CNOT1: variants seen among roughly 807,000 people sequenced by gnomAD.
CNOT1 encodes CCR4-NOT transcription complex subunit 1, also known as CCR4-associated factor 1.
CNOT1 carries 15 observed loss-of-function variants against 273.8 expected under a neutral mutation model. The ratio of observed to expected loss-of-function variants is 0.05; its 90% CI spans 0.04 to 0.08. The LOEUF is 0.08. Ranked by LOEUF, CNOT1 falls within the 10% of genes least tolerant of loss-of-function variation. The pLI, the probability that CNOT1 is intolerant of heterozygous loss-of-function variation, is 1.00. For synonymous variants in CNOT1, 1,022 were observed against 1,005.5 expected (o/e 1.02, Z -0.31); for missense variants, 1,644 against 2,912.2 (o/e 0.56, Z 10.02).
chr16:58,536,944 C>A (rs1250173595), intron 39 of CNOT1, 45 bp downstream of exon 39: 4 of 1,603,150 alleles, frequency 2.5e-6, no homozygotes, highest in Non-Finnish European at 2.6e-6. Context: ...GCATCACACC[C>A]TACTTATGTT....
At chr16:58,585,230 TGAG>T (rs2041796881) in intron 8 of CNOT1, 105 bp downstream of exon 8, 2 of 1,501,490 alleles carry the variant, frequency 1.3e-6, no homozygotes, top group African/African-American at 1.4e-5. Context: ...GCATGCCTCT[TGAG>T]AAGAAAAGAT....
intron 1 of CNOT1, among the ~76,000 whole-genome samples, chr16:58,611,118 C>T (rs1040410845): frequency 2.0e-5 from 3 of 152,020 alleles, no homozygotes; most frequent in African/African-American, 7.2e-5. Flanking sequence ...AAAAGGAGTA[C>T]AGGCTGTCTA....
intron 3 of CNOT1, 42 bp from the exon 4 acceptor site, chr16:58,587,920 T>C (rs915445163): frequency 1.3e-6 from 2 of 1,567,930 alleles, no homozygotes; most frequent in East Asian, 2.2e-5. Flanking sequence ...CTAATCATCA[T>C]CTAAGAACAA....
intron 12 of CNOT1, among the ~76,000 whole-genome samples, chr16:58,580,156 GCTGAGATTGTGCCACTGCACTC>G (rs950624868): frequency 1.7e-4 from 26 of 152,228 alleles, no homozygotes; most frequent in Admixed American, 5.9e-4. Flanking sequence ...GTTGCAGTGA[GCTGAGATTGTGCCACTGCACTC>G]CTGAGATTGT....
At chr16:58,540,329 T>C (rs1029492104) in intron 34 of CNOT1, among the ~76,000 whole-genome samples, 1 of 152,126 alleles carries the variant, frequency 6.6e-6, no homozygotes, top group African/African-American at 2.4e-5. Flanking sequence ...CCATGAAAAA[T>C]ACAGTACTCA....
chr16:58,591,877 T>C (rs918401450), intron 2 of CNOT1, among the ~76,000 whole-genome samples: 1 of 151,194 alleles, frequency 6.6e-6, no homozygotes, highest in African/African-American at 2.4e-5. Context: ...TACCATTCCA[T>C]ATGATTTTTT....
intron 38 of CNOT1, 151 bp from the exon 39 acceptor site, chr16:58,537,371 G>T: frequency 8.2e-7 from 1 of 1,218,046 alleles, no homozygotes; most frequent in Non-Finnish European, 1.1e-6. Flanking sequence ...ACTATACTTA[G>T]TCTCTTATCC....
chr16:58,540,175 T>C, intron 34 of CNOT1: 1 of 428,384 alleles, frequency 2.3e-6, no homozygotes. Context: ...GAAGAGGTGT[T>C]TCATTTGAGA....
chr16:58,559,984 A>T, intron 17 of CNOT1: 1 of 1,243,910 alleles, frequency 8.0e-7, no homozygotes, highest in Non-Finnish European at 1.1e-6. Context: ...CTCTTCATTT[A>T]CCTAAATAAA....
chr16:58,604,037 T>G (rs75347204), intron 1 of CNOT1, among the ~76,000 whole-genome samples: 2,275 of 152,300 alleles, frequency 0.015, 45 homozygotes, highest in African/African-American at 0.052. Context: ...TAGGATTTTG[T>G]AACCTGTATT....
At chr16:58,569,713 G>A (rs1053492857) in intron 16 of CNOT1, among the ~76,000 whole-genome samples, 1 of 151,712 alleles carries the variant, frequency 6.6e-6, no homozygotes, top group African/African-American at 2.4e-5. Flanking sequence ...GAAAAAAAAG[G>A]GGGTGGGGGG....
chr16:58,590,590 G>A (rs568026973), intron 2 of CNOT1, among the ~76,000 whole-genome samples: 2 of 151,080 alleles, frequency 1.3e-5, no homozygotes, highest in East Asian at 1.9e-4. Flanking sequence ...GTGAGACTCT[G>A]TCTCCAAAAA....
intron 1 of CNOT1, 60 bp from the exon 2 acceptor site, chr16:58,599,571 C>T (rs2042389743): frequency 1.8e-6 from 1 of 541,730 alleles, no homozygotes; most frequent in Non-Finnish European, 3.2e-6. Context: ...AAAAAGGAGG[C>T]TGGTCCAGGC....
At chr16:58,540,678 T>C (rs1313406458) in intron 34 of CNOT1, among the ~76,000 whole-genome samples, 1 of 152,202 alleles carries the variant, frequency 6.6e-6, no homozygotes, top group Non-Finnish European at 1.5e-5. Context: ...GTAAGGTTAT[T>C]AGTATTCATT....
At chr16:58,589,187 C>A (rs1054676044) in intron 2 of CNOT1, among the ~76,000 whole-genome samples, 1 of 152,134 alleles carries the variant, frequency 6.6e-6, no homozygotes, top group South Asian at 2.1e-4. Context: ...CAGGCATACA[C>A]CACTGCTTCC....
At position 58,575,146 on chromosome 16, in the gene CNOT1, A is replaced by G; in HGVS notation, c.1705-17T>C. The G allele has an allele frequency of 9.3e-6, 15 of 1,606,866 alleles. No homozygotes were observed. The highest frequency in any genetic ancestry group is 1.3e-5 in the African/African-American group (1 of 74,694). On this transcript the variant is annotated splice_polypyrimidine_tract_variant and intron_variant, in intron 14 of 48. Coordinates refer to ENST00000317147, the MANE Select transcript of CNOT1 (RefSeq NM_016284.5). ...TGACAAGGCCTAAAGGACAAAGCACATTAGATAATGCAAATGGAGCAATTA... is the reference window on the plus strand; with the variant it reads ...TGACAAGGCCTAAAGGACAAAGCACGTTAGATAATGCAAATGGAGCAATTA...
intron 23 of CNOT1, 23 bp downstream of exon 23, chr16:58,551,566 A>C (rs2040450552): frequency 1.9e-6 from 3 of 1,599,664 alleles, no homozygotes; most frequent in Non-Finnish European, 2.6e-6. Context: ...ATCCTGGAAG[A>C]GAAAAAAGAT....
At chr16:58,583,951 G>A (rs1040253479) in intron 8 of CNOT1, among the ~76,000 whole-genome samples, 8 of 148,134 alleles carry the variant, frequency 5.4e-5, no homozygotes, top group African/African-American at 1.6e-4. Context: ...GGTGGATCAC[G>A]AGGTCAGGAG....
intron 2 of CNOT1, among the ~76,000 whole-genome samples, chr16:58,596,487 C>T (rs2042252820): frequency 6.6e-6 from 1 of 152,128 alleles, no homozygotes; most frequent in Non-Finnish European, 1.5e-5. Context: ...GTCACTTTAT[C>T]TCGTTCCAGC....
Sources: gnomAD v4.1 joint callset for allele counts (sites outside exome capture counted in the v4.1 genomes callset) on GRCh38, gnomAD v4.1.1 for gene constraint, MANE v1.5 for transcripts, NCBI Gene and HGNC (gene_info 2026-07-23, HGNC 2026-07-21) for gene names.